GALNT18: variants seen among roughly 807,000 people sequenced by gnomAD.
GALNT18 encodes polypeptide N-acetylgalactosaminyltransferase 18, also known as GalNAc-transferase 18.
A neutral mutation model predicts 69.5 loss-of-function variants in GALNT18; 44 were observed. The ratio of observed to expected loss-of-function variants is 0.63; its 90% CI spans 0.50 to 0.81. The LOEUF is 0.81. Among genes scored for constraint, GALNT18 ranks in the 40% least tolerant of loss-of-function variants. The probability of loss-of-function intolerance (pLI) is 0.00; values close to 1 mark genes in which losing one functional copy is unlikely to be tolerated. For synonymous variants in GALNT18, 364 were observed against 318.2 expected, an observed-to-expected ratio of 1.14 and a Z score of -1.53; for missense variants, 715 against 810.0, an observed-to-expected ratio of 0.88 and a Z score of 1.42.
rs1254922974 is a variant in GALNT18, at chr11:11,620,007, G to C, written c.235+1352C>G. On this transcript the variant is annotated intron_variant, in intron 1 of 10. Transcript: ENST00000227756. The surrounding 1 kb of genome is among the most constrained non-coding windows in gnomAD (Gnocchi z 6.9). The stretch of plus-strand genomic sequence containing the variant: ...TCCCTGAACCTTCCCCTCCTGGAAA[G>C]GAACTATTCTGGACACCTGGGGAAA... Among the ~76,000 whole-genome samples the C allele has an allele frequency of 2.0e-5, 3 of 152,118 alleles. No individual in the cohort carries two copies. Among genetic ancestry groups the C allele is most frequent in the Admixed American group, 6.5e-5 (1 of 15,282 alleles).
chr11:11,386,229 A>T (rs1488074633), intron 3 of GALNT18, among the ~76,000 whole-genome samples: 1 of 152,220 alleles, frequency 6.6e-6, no homozygotes, highest in African/African-American at 2.4e-5. Flanking sequence ...AGAGTCTCCA[A>T]GTCTCCTGGT....
chr11:11,468,546 A>AG (rs1856202041), intron 1 of GALNT18, among the ~76,000 whole-genome samples: 1 of 151,336 alleles, frequency 6.6e-6, no homozygotes, highest in Non-Finnish European at 1.5e-5. Flanking sequence ...AGATGGAAAA[A>AG]AAAAAGCTTC....
At chr11:11,561,026 C>T (rs900950940) in intron 1 of GALNT18, among the ~76,000 whole-genome samples, 4 of 152,120 alleles carry the variant, frequency 2.6e-5, no homozygotes, top group African/African-American at 7.2e-5. Flanking sequence ...GGCATTTTAA[C>T]GAAAAAGTCA....
intron 9 of GALNT18, among the ~76,000 whole-genome samples, chr11:11,306,840 C>T (rs1026660134): frequency 3.2e-4 from 7 of 22,006 alleles, no homozygotes; most frequent in Admixed American, 1.0e-3. Flanking sequence ...TCCCTTTATC[C>T]GAGTCTGGGC....
rs188940890 is a variant in GALNT18, at chr11:11,576,946, C to G, written c.235+44413G>C. On this transcript the variant is annotated intron_variant, in intron 1 of 10. Coordinates refer to ENST00000227756, the MANE Select transcript of GALNT18 (RefSeq NM_198516.3). ...GTGGCTGGCTGAAGGCAGGCCTTCA[C>G]GACTGTTCAGGACAAGATGGAGGCC... 7.8e-4 allele frequency among the ~76,000 whole-genome samples: 119 copies of G among 152,248 alleles called. 1 individual carries two copies. Among genetic ancestry groups the G allele is most frequent in the Non-Finnish European group, 1.2e-3 (82 of 68,020 alleles).
intron 9 of GALNT18, among the ~76,000 whole-genome samples, chr11:11,322,372 A>G (rs553219523): frequency 2.6e-5 from 4 of 152,354 alleles, no homozygotes; most frequent in South Asian, 2.1e-4. Flanking sequence ...GCTCAGGCCA[A>G]CATCTACCAT....
At chr11:11,608,364 T>TCTG (rs1383555362) in intron 1 of GALNT18, among the ~76,000 whole-genome samples, 65 of 151,948 alleles carry the variant, frequency 4.3e-4, no homozygotes, top group South Asian at 1.9e-3. Context: ...TTTTTTGTTT[T>TCTG]TTGGTTTTTT....
At chr11:11,274,730 G>A (rs1222623650) in intron 10 of GALNT18, among the ~76,000 whole-genome samples, 3 of 152,170 alleles carry the variant, frequency 2.0e-5, no homozygotes, top group African/African-American at 7.2e-5. Context: ...GCCCCAGTGT[G>A]TGATGTTCCC....
At chr11:11,364,238 T>G (rs1027217520) in intron 6 of GALNT18, among the ~76,000 whole-genome samples, 3 of 152,180 alleles carry the variant, frequency 2.0e-5, no homozygotes, top group Non-Finnish European at 2.9e-5. Context: ...AGAAATAAAA[T>G]TAAAATATTA....
chr11:11,603,521 C>T lies in GALNT18; in HGVS notation c.235+17838G>A, dbSNP rs1031612839. ...TGATACACAGCACCCACCCCCTCAACCATCAGAGCAACATACCCTCCCTGG... is the reference window on the plus strand; with the variant it reads ...TGATACACAGCACCCACCCCCTCAATCATCAGAGCAACATACCCTCCCTGG... On this transcript the variant is annotated intron_variant, in intron 1 of 10. Transcript: ENST00000227756. The surrounding 1 kb of genome is among the most constrained non-coding windows in gnomAD (Gnocchi z 4.5). 6.6e-6 allele frequency among the ~76,000 whole-genome samples: 1 copy of T among 152,182 alleles called. No homozygotes were observed. The highest frequency in any genetic ancestry group is 2.4e-5 in the African/African-American group (1 of 41,440).
At chr11:11,608,929 C>T (rs780186451) in intron 1 of GALNT18, among the ~76,000 whole-genome samples, 1 of 152,216 alleles carries the variant, frequency 6.6e-6, no homozygotes, top group Non-Finnish European at 1.5e-5. Context: ...CCCTATTCCT[C>T]CATGAAGTCT....
intron 1 of GALNT18, chr11:11,475,680 T>C (rs1856377955): frequency 6.6e-6 from 1 of 152,244 alleles, no homozygotes; most frequent in Admixed American, 6.5e-5. Context: ...GGGGACTGCA[T>C]GCACAGTTGT....
intron 1 of GALNT18, among the ~76,000 whole-genome samples, chr11:11,467,903 T>C (rs892047622): frequency 3.3e-5 from 5 of 152,134 alleles, no homozygotes; most frequent in Non-Finnish European, 7.3e-5. Flanking sequence ...ATCCACCTGG[T>C]AAGTTTGTTA....
intron 6 of GALNT18, among the ~76,000 whole-genome samples, chr11:11,342,668 C>T (rs545339229): frequency 2.0e-5 from 3 of 152,286 alleles, no homozygotes; most frequent in South Asian, 4.1e-4. Flanking sequence ...CCTCATTGAG[C>T]GTCTCCTATG....
intron 1 of GALNT18, among the ~76,000 whole-genome samples, chr11:11,467,114 C>T (rs1411248879): frequency 1.3e-5 from 2 of 152,058 alleles, no homozygotes; most frequent in Non-Finnish European, 2.9e-5. Flanking sequence ...AGGCAGGAGG[C>T]CCTTAATGGG....
chr11:11,523,939 G>C lies in GALNT18; in HGVS notation c.236-75003C>G, dbSNP rs1384726608. ...ATTACTTCAGTAGAGGACCCTCTGG[G>C]CACTGCCAATACTGTGGATACTGGG... On this transcript the variant is annotated intron_variant, in intron 1 of 10. Coordinates refer to ENST00000227756, the MANE Select transcript of GALNT18 (RefSeq NM_198516.3). The surrounding 1 kb of genome is among the most constrained non-coding windows in gnomAD (Gnocchi z 4.3). 6.6e-6 allele frequency among the ~76,000 whole-genome samples: 1 copy of C among 152,100 alleles called. No homozygotes were observed. The highest frequency in any genetic ancestry group is 2.4e-5 in the African/African-American group (1 of 41,384).
Position 11,340,758 on chromosome 11 carries a change from A to G in GALNT18, c.1278+61T>C. The G allele has an allele frequency of 6.7e-7, 1 of 1,495,106 alleles. No individual in the cohort carries two copies. Among genetic ancestry groups the G allele is most frequent in the Non-Finnish European group, 9.1e-7 (1 of 1,101,158 alleles). 92.6% of individuals were successfully genotyped at this position (1,495,106 alleles called of 1,614,324 possible). On this transcript the variant is annotated intron_variant, in intron 7 of 10. Transcript: ENST00000227756. The surrounding 1 kb of genome is among the most constrained non-coding windows in gnomAD (Gnocchi z 4.2). ...CATAGGAAGAAGGGTTCGGTCCCAT[A>G]TCTTGTTTTGTTTGTTTTCCACCAA...
intron 1 of GALNT18, among the ~76,000 whole-genome samples, chr11:11,574,126 G>A (rs1858862816): frequency 6.6e-6 from 1 of 152,152 alleles, no homozygotes; most frequent in Non-Finnish European, 1.5e-5. Flanking sequence ...CATGGGAGAG[G>A]AAGGGTACAT....
At chr11:11,501,736 A>G (rs1386808947) in intron 1 of GALNT18, among the ~76,000 whole-genome samples, 2 of 152,302 alleles carry the variant, frequency 1.3e-5, no homozygotes, top group East Asian at 3.9e-4. Context: ...CAGCCATCAT[A>G]ATTTTCAAAT....
Sources: allele counts gnomAD v4.1 joint callset (sites outside exome capture counted in the v4.1 genomes callset), GRCh38; gene constraint gnomAD v4.1.1; non-coding constraint Gnocchi (gnomAD v3.1); transcripts MANE v1.5; gene names NCBI Gene and HGNC (gene_info 2026-07-23, HGNC 2026-07-21).